Variants in LARP4B observed in about 807,000 individuals in gnomAD.
LARP4B encodes the protein La ribonucleoprotein 4B.
Under a neutral mutation model 89.8 loss-of-function variants are expected in LARP4B, and 12 were observed. The ratio of observed to expected loss-of-function variants is 0.13; its 90% confidence interval spans 0.09 to 0.22. The LOEUF is 0.22. LARP4B is among the 10% of genes least tolerant of loss of function. The probability of loss-of-function intolerance (pLI) is 1.00; values close to 1 mark genes in which losing one functional copy is unlikely to be tolerated. For synonymous variants in LARP4B, 367 were observed against 363.3 expected (o/e 1.01, Z -0.12); for missense variants, 757 against 947.7 (o/e 0.80, Z 2.64).
chr10:931,819 TC>T (rs1442277536), upstream of LARP4B: 1 of 151,014 alleles, frequency 6.6e-6, no homozygotes, highest in Non-Finnish European at 1.5e-5. Context: ...CGGGAGAGCC[TC>T]ACGTCATGGT....
chr10:963,175 AG>A, the LARP4B span, among the ~76,000 whole-genome samples: 3 of 152,150 alleles, frequency 2.0e-5, no homozygotes, highest in African/African-American at 7.2e-5. Context: ...CCCCCACCCC[AG>A]GATCACCACA....
the LARP4B span, among the ~76,000 whole-genome samples, chr10:953,868 A>G: frequency 6.6e-6 from 1 of 152,256 alleles, no homozygotes; most frequent in Non-Finnish European, 1.5e-5. Context: ...AGTCTTCTGG[A>G]AAACATCAGA....
At chr10:957,366 A>G in the LARP4B span, among the ~76,000 whole-genome samples, 7 of 152,032 alleles carry the variant, frequency 4.6e-5, no homozygotes, top group African/African-American at 1.5e-4. Context: ...GGGTTTCACT[A>G]TGTTGGTCAG....
intron 5 of LARP4B, among the ~76,000 whole-genome samples, chr10:856,145 A>G (rs1487061407): frequency 1.3e-5 from 2 of 152,242 alleles, no homozygotes; most frequent in Non-Finnish European, 2.9e-5. Context: ...AAGAGCCATA[A>G]AAGAAAAAAA....
At chr10:825,034 G>T in intron 13 of LARP4B, 31 bp downstream of exon 13, 1 of 1,564,794 alleles carries the variant, frequency 6.4e-7, no homozygotes. Flanking sequence ...ATTAGTTTAT[G>T]ATGTTACACA....
chr10:817,797 G>C lies in LARP4B; in HGVS notation c.1623C>G (p.Ala541=). The change falls in exon 15 of 18, where the codon GCC becomes GCG. Residue 541 remains alanine (A), a synonymous_variant. Transcript: ENST00000316157. ...ACAAGTCCTCTGTCTTCAAATTGCCGGCAGCTCCAGGTAATGGAGGGAAGC... is the reference window on the plus strand; with the variant it reads ...ACAAGTCCTCTGTCTTCAAATTGCCCGCAGCTCCAGGTAATGGAGGGAAGC... ...LSSFPPLPGA[A]GNLKTEDLFE... is the part of the protein sequence containing the mutation. 1 of 1,614,082 alleles carries C rather than the reference G, an allele frequency of 6.2e-7. No individual in the cohort carries two copies. The highest frequency in any genetic ancestry group is 8.5e-7 in the Non-Finnish European group (1 of 1,180,006).
At chr10:820,951 T>C in intron 13 of LARP4B, 106 bp from the exon 14 acceptor site, 2 of 961,950 alleles carry the variant, frequency 2.1e-6, no homozygotes, top group Non-Finnish European at 3.2e-6. Context: ...ATTCAGTCTT[T>C]ATCACTTTGA....
the LARP4B span, among the ~76,000 whole-genome samples, chr10:975,526 G>C: frequency 3.3e-5 from 5 of 152,244 alleles, no homozygotes; most frequent in African/African-American, 1.2e-4. Context: ...TGGAAGAAAT[G>C]CTGTTTTCTT....
At chr10:944,512 C>T in the LARP4B span, among the ~76,000 whole-genome samples, 1 of 152,180 alleles carries the variant, frequency 6.6e-6, no homozygotes, top group East Asian at 1.9e-4. Context: ...ACTGACCTCG[C>T]GTTGCAATGC....
chr10:898,378 A>G (rs113011451), intron 1 of LARP4B, among the ~76,000 whole-genome samples: 2 of 152,248 alleles, frequency 1.3e-5, no homozygotes, highest in African/African-American at 4.8e-5. Flanking sequence ...TAGTCATTCT[A>G]CTCCTAGGGA....
At chr10:868,120 C>G (rs955051052) in intron 3 of LARP4B, among the ~76,000 whole-genome samples, 1 of 151,730 alleles carries the variant, frequency 6.6e-6, no homozygotes, top group Non-Finnish European at 1.5e-5. Flanking sequence ...ACTACCGATA[C>G]GAGACAGAAC....
chr10:865,082 C>T (rs1272352294), intron 3 of LARP4B, among the ~76,000 whole-genome samples: 7 of 152,228 alleles, frequency 4.6e-5, no homozygotes, highest in Non-Finnish European at 1.0e-4. Flanking sequence ...AAAGCTCAGG[C>T]ATCCTTTGAG....
intron 8 of LARP4B, among the ~76,000 whole-genome samples, chr10:832,913 T>C (rs983918253): frequency 1.1e-4 from 16 of 152,256 alleles, no homozygotes; most frequent in Non-Finnish European, 1.9e-4. Flanking sequence ...ATGTTTTTCT[T>C]ATTTTTAATC....
intron 1 of LARP4B, among the ~76,000 whole-genome samples, chr10:916,198 T>C (rs1309380111): frequency 1.3e-5 from 2 of 152,138 alleles, no homozygotes; most frequent in Non-Finnish European, 2.9e-5. Context: ...ATTATGGTTA[T>C]TATGTTAAAT....
the LARP4B span, among the ~76,000 whole-genome samples, chr10:973,443 C>G: frequency 3.3e-5 from 5 of 152,054 alleles, no homozygotes; most frequent in Non-Finnish European, 7.4e-5. Context: ...GCTCTGCCTC[C>G]CGGGGTCACA....
chr10:932,149 G>T (rs1307637932), upstream of LARP4B, among the ~76,000 whole-genome samples: 3 of 151,752 alleles, frequency 2.0e-5, no homozygotes, highest in Non-Finnish European at 4.4e-5. Flanking sequence ...GCCCTAGCCT[G>T]TCCCCAGACC....
rs11253452 is a variant in LARP4B, at chr10:812,093, G to A, written c.*833C>T. The A allele has an allele frequency of 0.028, 4,333 of 152,744 alleles. 78 individuals carry two copies. The highest frequency in any genetic ancestry group is 0.045 in the Non-Finnish European group (3,071 of 68,048). The allele number at this position is 152,744 out of a possible 1,614,324, so 9.5% of individuals were successfully genotyped here. On this transcript the variant is annotated 3_prime_UTR_variant, in exon 18 of 18. Coordinates refer to ENST00000316157, the MANE Select transcript of LARP4B (RefSeq NM_015155.3). ...AGTGCTGGGGAACACGGACAGAAATGTGCACAGAGCAGGGCCGGGGCCATC... is the reference window on the plus strand; with the variant it reads ...AGTGCTGGGGAACACGGACAGAAATATGCACAGAGCAGGGCCGGGGCCATC...
rs933172545 is a variant in LARP4B at position 891,424 on chromosome 10, T to C, written c.-39-5664A>G. ...AACTGATAATACTAAAAAATGATTCTAGTTTCTCAGATGTGATAACGATGT... is the reference window on the plus strand; with the variant it reads ...AACTGATAATACTAAAAAATGATTCCAGTTTCTCAGATGTGATAACGATGT... On this transcript the variant is annotated intron_variant, in intron 1 of 17. Coordinates refer to ENST00000316157, the MANE Select transcript of LARP4B (RefSeq NM_015155.3). Among the ~76,000 whole-genome samples, 138 of 152,194 alleles carry C rather than the reference T, an allele frequency of 9.1e-4. 2 individuals carry two copies. The highest frequency in any genetic ancestry group is 2.9e-4 in the Non-Finnish European group (20 of 68,040).
chr10:883,135 T>C (rs1182151450), intron 3 of LARP4B, among the ~76,000 whole-genome samples: 2 of 152,244 alleles, frequency 1.3e-5, no homozygotes, highest in African/African-American at 2.4e-5. Flanking sequence ...CCCTTAAAGA[T>C]TTATACTCAA....
Sources: gnomAD v4.1 joint callset for allele counts (sites outside exome capture counted in the v4.1 genomes callset) on GRCh38, gnomAD v4.1.1 for gene constraint, MANE v1.5 for transcripts, NCBI Gene and HGNC (gene_info 2026-07-23, HGNC 2026-07-21) for gene names.